Variants in GOT1 observed in about 807,000 individuals in gnomAD.
GOT1 encodes aspartate aminotransferase, cytoplasmic.
Under a neutral mutation model 48.2 loss-of-function variants are expected in GOT1, and 25 were observed. The observed-to-expected ratio is 0.52, with a 90% CI of 0.38 to 0.72. GOT1 has a LOEUF of 0.72. Ranked by LOEUF, GOT1 falls within the 30% of genes least tolerant of loss-of-function variation. The pLI, the probability that GOT1 is intolerant of heterozygous loss-of-function variation, is 0.00. For synonymous variants in GOT1, 188 were observed against 193.8 expected (o/e 0.97, Z 0.25); for missense variants, 380 against 520.1 (o/e 0.73, Z 2.62).
At chr10:99,402,528 ATGT>A in intron 8 of GOT1, 49 bp downstream of exon 8, 3 of 1,595,912 alleles carry the variant, frequency 1.9e-6, no homozygotes, top group Non-Finnish European at 1.7e-6. Flanking sequence ...ACTGAAAGGA[ATGT>A]TGTGTGTCTA....
intron 2 of GOT1, among the ~76,000 whole-genome samples, chr10:99,415,271 T>G (rs1259658959): frequency 6.6e-6 from 1 of 151,976 alleles, no homozygotes; most frequent in Non-Finnish European, 1.5e-5. Context: ...TCACCACCGA[T>G]CCCACAGAAA....
chr10:99,423,083 A>ATG (rs2032992331), intron 1 of GOT1, among the ~76,000 whole-genome samples: 1 of 152,248 alleles, frequency 6.6e-6, no homozygotes, highest in Non-Finnish European at 1.5e-5. Context: ...CAATTGATAC[A>ATG]GGAATTATAT....
chr10:99,399,735 C>G (rs1320879609), intron 8 of GOT1, among the ~76,000 whole-genome samples: 1 of 152,002 alleles, frequency 6.6e-6, no homozygotes, highest in Non-Finnish European at 1.5e-5. Context: ...ATTGTGACGC[C>G]GCACTCCAGC....
intron 7 of GOT1, among the ~76,000 whole-genome samples, chr10:99,403,106 T>C (rs1223632691): frequency 6.6e-6 from 1 of 152,210 alleles, no homozygotes; most frequent in Non-Finnish European, 1.5e-5. Context: ...ATAAAGTGTA[T>C]GTAAATTACA....
chr10:99,412,332 G>A (rs899862969), intron 2 of GOT1, among the ~76,000 whole-genome samples: 15 of 151,902 alleles, frequency 9.9e-5, no homozygotes, highest in African/African-American at 3.4e-4. Context: ...GGGGAGCTAT[G>A]GGCGGTGGGG....
chr10:99,414,810 T>C (rs1232591520), intron 2 of GOT1, among the ~76,000 whole-genome samples: 2 of 151,782 alleles, frequency 1.3e-5, no homozygotes, highest in Non-Finnish European at 2.9e-5. Flanking sequence ...CTCAACTACA[T>C]GAAAACTGAA....
intron 7 of GOT1, 28 bp downstream of exon 7, chr10:99,403,441 C>A (rs749913739): frequency 5.0e-6 from 8 of 1,589,640 alleles, no homozygotes; most frequent in Non-Finnish European, 6.9e-6. Flanking sequence ...TCCCCACCCC[C>A]CGGCCCACCA....
At chr10:99,423,270 T>C (rs1210078009) in intron 1 of GOT1, among the ~76,000 whole-genome samples, 1 of 152,262 alleles carries the variant, frequency 6.6e-6, no homozygotes, top group Non-Finnish European at 1.5e-5. Flanking sequence ...GTTTAGTGGA[T>C]AAATAATATT....
chr10:99,401,839 G>A (rs764716154), intron 8 of GOT1, among the ~76,000 whole-genome samples: 19 of 149,542 alleles, frequency 1.3e-4, no homozygotes, highest in South Asian at 2.1e-4. Flanking sequence ...ACGGAGTCTC[G>A]CTCTGTCGCC....
At position 99,406,719 on chromosome 10, in the gene GOT1, G is replaced by T; in HGVS notation, c.424+7C>A. On this transcript the variant is annotated splice_region_variant and intron_variant, in intron 3 of 8. Transcript: ENST00000370508. ...GTTTTTCCTCTCACTTCAGCTGAAA[G>T]ACTCACCCCAGGTTGGTGAGGACAC... 1 of 1,611,616 alleles carries T rather than the reference G, an allele frequency of 6.2e-7. No homozygotes were observed. Among genetic ancestry groups the T allele is most frequent in the Non-Finnish European group, 8.5e-7 (1 of 1,177,900 alleles).
rs1213979432 is a variant in GOT1 at position 99,421,278 on chromosome 10, G to A, written c.119-473C>T. ...TAGGTGCTACTTCCACATGAACCTG[G>A]CACCTTTAACACAAACATGGAGAAG... is the stretch of plus-strand genomic sequence containing the variant. On this transcript the variant is annotated intron_variant, in intron 1 of 8. Transcript: ENST00000370508. 9.2e-5 allele frequency among the ~76,000 whole-genome samples: 14 copies of A among 152,136 alleles called. 1 individual carries two copies. In the East Asian group the frequency reaches 2.5e-3, roughly 27 times the overall value.
intron 2 of GOT1, among the ~76,000 whole-genome samples, chr10:99,416,910 C>T (rs1366851871): frequency 1.3e-5 from 2 of 152,272 alleles, no homozygotes; most frequent in East Asian, 1.9e-4. Context: ...CTTCCTTACA[C>T]CTTATACAAA....
At chr10:99,417,913 AG>A (rs1184804321) in intron 2 of GOT1, among the ~76,000 whole-genome samples, 6 of 152,066 alleles carry the variant, frequency 3.9e-5, no homozygotes. Context: ...GGGTGCGGAG[AG>A]GGGGGAAGGA....
intron 1 of GOT1, among the ~76,000 whole-genome samples, chr10:99,423,613 T>C (rs2032998826): frequency 1.3e-5 from 2 of 152,120 alleles, no homozygotes; most frequent in Admixed American, 1.3e-4. Flanking sequence ...ATACCACTCA[T>C]AGTCTACCCT....
intron 7 of GOT1, 117 bp downstream of exon 7, chr10:99,403,352 A>T: frequency 1.2e-6 from 1 of 824,296 alleles, no homozygotes; most frequent in South Asian, 1.8e-5. Flanking sequence ...CAAAGAAGTT[A>T]AAGTAATTTT....
rs1564977166 is a variant in GOT1, at chr10:99,430,569, G to A, written c.-4C>T. 6.3e-7 allele frequency: 1 copy of A among 1,590,380 alleles called. No individual in the cohort carries two copies. On this transcript the variant is annotated 5_prime_UTR_variant, in exon 1 of 9. Transcript: ENST00000370508. ...CAAAGACTGACGGAGGTGCCATATC[G>A]AGAGACTAGGAATCAAGAGATTTCA...
rs566872601 is a variant in GOT1 at position 99,418,055 on chromosome 10, A to C, written c.300+2569T>G. The stretch of plus-strand genomic sequence containing the variant: ...CCCTAGAACTTAAAGTATAATTAAA[A>C]AAAAAAATATATATATATATAAAAA... On this transcript the variant is annotated intron_variant, in intron 2 of 8. Transcript: ENST00000370508. 8.2e-4 allele frequency among the ~76,000 whole-genome samples: 101 copies of C among 123,084 alleles called. 3 individuals carry two copies. In the South Asian group the frequency reaches 0.027, roughly 33 times the overall value. The allele number at this position is 123,084 out of a possible 152,430, so 80.7% of individuals were successfully genotyped here. A position where few individuals can be genotyped will look rare whatever the true frequency, so the allele number is the denominator to read the frequency against.
chr10:99,412,143 G>A (rs926287198), intron 2 of GOT1, among the ~76,000 whole-genome samples: 1 of 152,110 alleles, frequency 6.6e-6, no homozygotes, highest in Non-Finnish European at 1.5e-5. Context: ...GCCAGGCAAA[G>A]GTTCTTAGTC....
chr10:99,412,217 G>A (rs1440906660), intron 2 of GOT1, among the ~76,000 whole-genome samples: 2 of 151,986 alleles, frequency 1.3e-5, no homozygotes, highest in African/African-American at 4.8e-5. Flanking sequence ...CTCTAGTGGA[G>A]TGAGGGGAAA....
Sources: gnomAD v4.1 joint callset for allele counts (sites outside exome capture counted in the v4.1 genomes callset) on GRCh38, gnomAD v4.1.1 for gene constraint, MANE v1.5 for transcripts, NCBI Gene and HGNC (gene_info 2026-07-23, HGNC 2026-07-21) for gene names.